Variants in SPNS3 observed in about 807,000 individuals in gnomAD.
SPNS3 encodes protein spinster homolog 3.
SPNS3 carries 51 observed loss-of-function variants against 54.4 expected under a neutral mutation model. The observed-to-expected ratio is 0.94, with a 90% CI of 0.75 to 1.18. The LOEUF (loss-of-function observed/expected upper bound fraction) is 1.18, where lower values mean the gene tolerates loss of function less well. SPNS3 is among the 50% of genes most tolerant of loss of function. The probability of loss-of-function intolerance (pLI) is 0.00; values close to 1 mark genes in which losing one functional copy is unlikely to be tolerated. For missense variants in SPNS3, 669 were observed against 677.4 expected (o/e 0.99, Z 0.14); for synonymous variants, 309 against 294.7 (o/e 1.05, Z -0.50).
At chr17:4,479,870 G>A (rs562649978) in intron 9 of SPNS3, among the ~76,000 whole-genome samples, 1 of 152,352 alleles carries the variant, frequency 6.6e-6, no homozygotes, top group African/African-American at 2.4e-5. Context: ...ATGGATTGAT[G>A]TGAGGGTGAA....
intron 9 of SPNS3, among the ~76,000 whole-genome samples, chr17:4,485,452 C>T (rs1972286851): frequency 6.7e-6 from 1 of 150,160 alleles, no homozygotes; most frequent in Non-Finnish European, 1.5e-5. Context: ...GGTTGGATTG[C>T]AGTGGTACGA....
chr17:4,456,710 G>T (rs1597319986), intron 8 of SPNS3, among the ~76,000 whole-genome samples: 1 of 137,810 alleles, frequency 7.3e-6, no homozygotes, highest in East Asian at 2.0e-4. Context: ...TTTTGTTTTT[G>T]TGTTTTTTTT....
At chr17:4,479,516 C>T (rs1972100359) in intron 9 of SPNS3, among the ~76,000 whole-genome samples, 1 of 152,184 alleles carries the variant, frequency 6.6e-6, no homozygotes, top group Non-Finnish European at 1.5e-5. Context: ...TTGCCTCCTT[C>T]TGGGAGGCAT....
intron 2 of SPNS3, among the ~76,000 whole-genome samples, chr17:4,441,098 A>G (rs150003422): frequency 6.6e-6 from 1 of 152,316 alleles, no homozygotes; most frequent in East Asian, 1.9e-4. Context: ...TTTGGATGAA[A>G]ATACAGTTTA....
At chr17:4,477,399 C>G (rs1972030967) in intron 8 of SPNS3, among the ~76,000 whole-genome samples, 1 of 152,198 alleles carries the variant, frequency 6.6e-6, no homozygotes, top group Middle Eastern at 3.2e-3. Flanking sequence ...GGTGCCTGAG[C>G]CTGGGCTACC....
chr17:4,477,970 C>CTTTTTTTTTTTTTT lies in SPNS3; in HGVS notation c.1114-596_1114-583dup, dbSNP rs397837193. 3.1e-3 allele frequency among the ~76,000 whole-genome samples: 307 copies of CTTTTTTTTTTTTTT among 97,586 alleles called. 16 individuals carry two copies. Among genetic ancestry groups the CTTTTTTTTTTTTTT allele is most frequent in the African/African-American group, 5.5e-3 (120 of 21,908 alleles). 64.0% of individuals were successfully genotyped at this position (97,586 alleles called of 152,430 possible). On this transcript the variant is annotated intron_variant, in intron 8 of 11. Coordinates refer to ENST00000355530, the MANE Select transcript of SPNS3 (RefSeq NM_182538.5). ...AAAGTCTGTTTTTTTTTCACTTTTC[C>CTTTTTTTTTTTTTT]TTTTTTTTTTTTTTTTTTTGAGGCG... is the stretch of plus-strand genomic sequence containing the variant.
chr17:4,487,792 C>G lies in SPNS3; in HGVS notation c.1451-14C>G. The G allele has an allele frequency of 6.2e-7, 1 of 1,613,084 alleles. No homozygotes were observed. Among genetic ancestry groups the G allele is most frequent in the Non-Finnish European group, 8.5e-7 (1 of 1,179,074 alleles). ...TGCAACCTTCGGGCAGGCTGAGCAT[C>G]TTTCCTCCTGCAGGGACCCCAGACA... is the stretch of plus-strand genomic sequence containing the variant. On this transcript the variant is annotated splice_polypyrimidine_tract_variant and intron_variant, in intron 11 of 11. Transcript: ENST00000355530.
At chr17:4,474,245 C>T (rs981734051) in intron 8 of SPNS3, among the ~76,000 whole-genome samples, 3 of 152,248 alleles carry the variant, frequency 2.0e-5, no homozygotes, top group African/African-American at 7.2e-5. Flanking sequence ...CCCTGGAAAC[C>T]AGGCGGTGCC....
intron 8 of SPNS3, among the ~76,000 whole-genome samples, chr17:4,455,205 C>A (rs55650132): frequency 2.0e-5 from 3 of 152,186 alleles, no homozygotes; most frequent in African/African-American, 7.2e-5. Flanking sequence ...TGAGCCATCA[C>A]GCCCAGCCCC....
Position 4,448,239 on chromosome 17 carries a change from G to A in SPNS3, c.706G>A (p.Gly236Arg), listed in dbSNP as rs61740736. 2 of 1,601,536 alleles carry A rather than the reference G, an allele frequency of 1.2e-6. No homozygotes were observed. The highest frequency in any genetic ancestry group is 2.3e-5 in the East Asian group (1 of 44,136). ...ACCCCGGGGAGCTGCCGAGACACAG[G>A]GGGAGGGGGCCGTGGGAGGCTTCAG... ...DPPRGAAETQ[G>R]EGAVGGFRSS... is the part of the protein sequence containing the mutation. Residue 236 changes from glycine to arginine, a missense_variant, in exon 6 of 12, where the codon GGG becomes AGG. Transcript: ENST00000355530.
intron 2 of SPNS3, among the ~76,000 whole-genome samples, chr17:4,443,589 T>C (rs1033667619): frequency 6.6e-6 from 1 of 152,222 alleles, no homozygotes; most frequent in Non-Finnish European, 1.5e-5. Flanking sequence ...TTTTACTTAA[T>C]TCTCTCAGTA....
chr17:4,455,644 T>A (rs2144082399), intron 8 of SPNS3, among the ~76,000 whole-genome samples: 1 of 150,648 alleles, frequency 6.6e-6, no homozygotes, highest in African/African-American at 2.4e-5. Context: ...CCCTGTAGGA[T>A]GTCGGGAAGG....
rs1971052867 is a variant in SPNS3 at position 4,448,236 on chromosome 17, CA to C, written c.704del (p.Gln235ArgfsTer33). On this transcript the variant is annotated frameshift_variant, in exon 6 of 12. Coordinates refer to ENST00000355530, the MANE Select transcript of SPNS3 (RefSeq NM_182538.5). LOFTEE classifies it high-confidence loss of function. Reference protein sequence around the residue: ...PDPPRGAAETQGEGAVGGFRS... With the variant: ...PDPPRGAAETXGEGAVGGFRS... Reference sequence around the variant, plus strand: ...CCCACCCCGGGGAGCTGCCGAGACACAGGGGGAGGGGGCCGTGGGAGGCTTC... The same window carrying C: ...CCCACCCCGGGGAGCTGCCGAGACACGGGGGAGGGGGCCGTGGGAGGCTTC... The C allele has an allele frequency of 6.2e-7, 1 of 1,601,960 alleles. No individual in the cohort carries two copies. Among genetic ancestry groups the C allele is most frequent in the Non-Finnish European group, 8.5e-7 (1 of 1,174,834 alleles).
chr17:4,458,788 G>C (rs993697315), intron 8 of SPNS3, among the ~76,000 whole-genome samples: 9 of 151,412 alleles, frequency 5.9e-5, no homozygotes, highest in African/African-American at 2.2e-4. Flanking sequence ...CGAGTAGCTG[G>C]AATTCAGGCA....
At chr17:4,447,073 C>T (rs568694815) in intron 5 of SPNS3, 111 bp downstream of exon 5, 11 of 1,068,586 alleles carry the variant, frequency 1.0e-5, no homozygotes, top group East Asian at 1.0e-4. Context: ...ATTAGGGGGA[C>T]GGGGGGTGGT....
chr17:4,468,253 C>G (rs1971738018), intron 8 of SPNS3, among the ~76,000 whole-genome samples: 1 of 151,552 alleles, frequency 6.6e-6, no homozygotes, highest in Non-Finnish European at 1.5e-5. Flanking sequence ...TTGAGACCAG[C>G]CTGGGCAACA....
chr17:4,437,221 G>A (rs1970737665), intron 1 of SPNS3, among the ~76,000 whole-genome samples: 3 of 152,094 alleles, frequency 2.0e-5, no homozygotes, highest in Admixed American at 6.6e-5. Flanking sequence ...CTTGGCTCTG[G>A]ATCACCTCTA....
chr17:4,435,919 G>A (rs902842525), intron 1 of SPNS3, among the ~76,000 whole-genome samples: 2 of 152,184 alleles, frequency 1.3e-5, no homozygotes, highest in East Asian at 1.9e-4. Context: ...GCGACAGAGC[G>A]AGACTCCGTC....
At chr17:4,437,856 A>T (rs140950690) in intron 1 of SPNS3, among the ~76,000 whole-genome samples, 5,853 of 147,530 alleles carry the variant, frequency 0.04, 379 homozygotes, top group African/African-American at 0.14. Context: ...GCATGATCTC[A>T]GCTCACTGCA....
Sources: allele counts gnomAD v4.1 joint callset (sites outside exome capture counted in the v4.1 genomes callset), GRCh38; gene constraint gnomAD v4.1.1; transcripts MANE v1.5; gene names NCBI Gene and HGNC (gene_info 2026-07-23, HGNC 2026-07-21).